The following MUC5AC variants were observed in gnomAD, a reference collection of about 807,000 sequenced individuals.
The protein encoded by MUC5AC is mucin 5AC, oligomeric mucus/gel-forming, also known as mucin-5AC.
A neutral mutation model predicts 169.7 loss-of-function variants in MUC5AC; 158 were observed. The ratio of observed to expected loss-of-function variants is 0.93; its 90% CI spans 0.82 to 1.06. The LOEUF is 1.06. Ranked by LOEUF, MUC5AC falls within the 50% of genes least tolerant of loss-of-function variation. The pLI is 0.00. For synonymous variants in MUC5AC, 1,975 were observed against 1,237.0 expected (o/e 1.60, Z -12.52); for missense variants, 4,359 against 3,089.9 (o/e 1.41, Z -9.74).
Position 1,199,431 on chromosome 11 carries a change from C to G in MUC5AC, c.16456C>G (p.Gln5486Glu). The G allele has an allele frequency of 1.4e-6, 1 of 732,452 alleles. No individual in the cohort carries two copies. The highest frequency in any genetic ancestry group is 2.6e-5 in the East Asian group (1 of 39,154). The allele number at this position is 732,452 out of a possible 1,614,324, so 45.4% of individuals were successfully genotyped here. The change falls in exon 46 of 49, where the codon CAG becomes GAG. Residue 5486 changes from glutamine (Q) to glutamate (E), a missense_variant. Coordinates refer to ENST00000621226, the MANE Select transcript of MUC5AC (RefSeq NM_001304359.2). ...HCVTHQCEKH[Q>E]DGLVVVTTKK... ...TGTGACCCACCAGTGTGAGAAGCAC[C>G]AGGATGGGCTCGTGGTGGTCACCAC... is the stretch of plus-strand genomic sequence containing the variant.
At position 1,198,321 on chromosome 11, in the gene MUC5AC, C is replaced by G; in HGVS notation, c.16173+16C>G. ...CCTGTACCAGGTAAGAGCCACGGAGCTCAGACCCCCTCAGCCATAGGGACG... is the reference window on the plus strand; with the variant it reads ...CCTGTACCAGGTAAGAGCCACGGAGGTCAGACCCCCTCAGCCATAGGGACG... On this transcript the variant is annotated intron_variant, in intron 43 of 48. Coordinates refer to ENST00000621226, the MANE Select transcript of MUC5AC (RefSeq NM_001304359.2). 1 of 740,474 alleles carries G rather than the reference C, an allele frequency of 1.4e-6. No homozygotes were observed. The highest frequency in any genetic ancestry group is 2.5e-6 in the Non-Finnish European group (1 of 406,018). 45.9% of individuals were successfully genotyped at this position (740,474 alleles called of 1,614,324 possible).
intron 26 of MUC5AC, among the ~76,000 whole-genome samples, chr11:1,179,799 C>T (rs1042123679): frequency 3.3e-5 from 5 of 152,170 alleles, no homozygotes; most frequent in Non-Finnish European, 5.9e-5. Flanking sequence ...TTGCCGGGAA[C>T]GGGCACTGCT....
intron 43 of MUC5AC, 96 bp downstream of exon 43, chr11:1,198,401 G>T: frequency 2.9e-6 from 2 of 693,058 alleles, no homozygotes; most frequent in South Asian, 3.0e-5. Context: ...TGCCAACTCC[G>T]GCCGAGGCCA....
At chr11:1,162,831 G>T in intron 5 of MUC5AC, 124 bp from the exon 6 acceptor site, 1 of 1,066,840 alleles carries the variant, frequency 9.4e-7, no homozygotes, top group East Asian at 2.4e-5. Context: ...CCCCCAGGAT[G>T]GAGACTGCTT....
chr11:1,186,518 T>G lies in MUC5AC; in HGVS notation c.8373T>G (p.Ser2791=). ...ISAPTTSTTL[S]PTTSTTSTTI... ...CCCCTACAACCAGCACAACTTTGTC[T>G]CCTACAACCAGCACAACCTCTACTA... The change falls in exon 31 of 49, where the codon TCT becomes TCG. Residue 2791 remains serine (S), a synonymous_variant. Coordinates refer to ENST00000621226, the MANE Select transcript of MUC5AC (RefSeq NM_001304359.2). The G allele has an allele frequency of 1.4e-6, 1 of 689,784 alleles. No individual in the cohort carries two copies. Among genetic ancestry groups the G allele is most frequent in the Non-Finnish European group, 2.6e-6 (1 of 378,900 alleles). The allele number at this position is 689,784 out of a possible 1,614,324, so 42.7% of individuals were successfully genotyped here. A position where few individuals can be genotyped will look rare whatever the true frequency, so the allele number is the denominator to read the frequency against.
At chr11:1,168,589 C>G in intron 13 of MUC5AC, 37 bp downstream of exon 13, 1 of 1,612,494 alleles carries the variant, frequency 6.2e-7, no homozygotes, top group Non-Finnish European at 8.5e-7. Context: ...CCGGGGCTGC[C>G]TGGGGTCCCG....
rs1474479063 is a variant in MUC5AC at position 1,161,703 on chromosome 11, G to A, written c.211+117G>A. On this transcript the variant is annotated intron_variant, in intron 3 of 48. Coordinates refer to ENST00000621226, the MANE Select transcript of MUC5AC (RefSeq NM_001304359.2). ...CAGCTTTCCGGGTGAACACTGGGTG[G>A]GTATTGGAGCCAGAGGGCCCAGCAT... The A allele has an allele frequency of 1.1e-5, 15 of 1,311,778 alleles. No individual in the cohort carries two copies. In the East Asian group the frequency reaches 3.5e-4, roughly 30 times the overall value. The allele number at this position is 1,311,778 out of a possible 1,614,324, so 81.3% of individuals were successfully genotyped here.
chr11:1,189,977 C>T lies in MUC5AC; in HGVS notation c.11832C>T (p.Thr3944=), dbSNP rs1294579187. Residue 3944 remains threonine (T), a synonymous_variant, in exon 31 of 49, where the codon ACC becomes ACT. Coordinates refer to ENST00000621226, the MANE Select transcript of MUC5AC (RefSeq NM_001304359.2). ...STSHVSVSKT[T]HSQPVTRDCH... ...GCCATGTTTCTGTATCCAAGACAAC[C>T]CACTCCCAACCAGTCACCAGAGACT... 2.9e-5 allele frequency: 22 copies of T among 765,142 alleles called. No homozygotes were observed. The highest frequency in any genetic ancestry group is 4.1e-5 in the Non-Finnish European group (17 of 417,884). The allele number at this position is 765,142 out of a possible 1,614,324, so 47.4% of individuals were successfully genotyped here. A position where few individuals can be genotyped will look rare whatever the true frequency, so the allele number is the denominator to read the frequency against.
intron 31 of MUC5AC, 71 bp from the exon 32 acceptor site, chr11:1,192,712 G>A: frequency 1.4e-6 from 1 of 696,504 alleles, no homozygotes. Context: ...TGCCCCTCTG[G>A]CTCTGGGAGT....
At chr11:1,195,449 G>A (rs1481862399) in intron 36 of MUC5AC, among the ~76,000 whole-genome samples, 170 bp downstream of exon 36, 1 of 151,376 alleles carries the variant, frequency 6.6e-6, no homozygotes, top group Non-Finnish European at 1.5e-5. Context: ...GGGTGCCGGG[G>A]AGGGGTGGGC....
chr11:1,195,531 C>T (rs376968325), intron 36 of MUC5AC, among the ~76,000 whole-genome samples: 4 of 151,494 alleles, frequency 2.6e-5, no homozygotes, highest in African/African-American at 7.3e-5. Context: ...CAGGGTTGGC[C>T]GGCTGGGCCG....
chr11:1,198,156 C>T, intron 42 of MUC5AC, 112 bp from the exon 43 acceptor site: 1 of 696,134 alleles, frequency 1.4e-6, no homozygotes, highest in Non-Finnish European at 2.6e-6. Flanking sequence ...CTGGACAAAC[C>T]CCAGTGGCGA....
rs765947347 is a variant in MUC5AC at position 1,194,375 on chromosome 11, G to A, written c.15006+15G>A. The A allele has an allele frequency of 9.8e-6, 7 of 714,146 alleles. No individual in the cohort carries two copies. The highest frequency in any genetic ancestry group is 5.8e-5 in the South Asian group (4 of 69,080). 44.2% of individuals were successfully genotyped at this position (714,146 alleles called of 1,614,324 possible). A position where few individuals can be genotyped will look rare whatever the true frequency, so the allele number is the denominator to read the frequency against. On this transcript the variant is annotated intron_variant, in intron 34 of 48. Transcript: ENST00000621226. ...TGACAAACGAGGTGGGGGCGCGCCC[G>A]GTGTGCCGCGGAGGGGGTGGGGGAC...
At position 1,198,951 on chromosome 11, in the gene MUC5AC, T is replaced by G. The variant is rs755392515; in HGVS notation, c.16251T>G (p.Phe5417Leu). The G allele has an allele frequency of 1.3e-6, 1 of 763,838 alleles. No homozygotes were observed. The highest frequency in any genetic ancestry group is 1.3e-5 in the South Asian group (1 of 74,354). The allele number at this position is 763,838 out of a possible 1,614,324, so 47.3% of individuals were successfully genotyped here. A position where few individuals can be genotyped will look rare whatever the true frequency, so the allele number is the denominator to read the frequency against. The stretch of plus-strand genomic sequence containing the variant: ...CGGGTGGCCCCCCATCGGACGCGTT[T>G]GTGGTCAGCTGTGAGACCCAGATCT... ...ELPGGPPSDA[F>L]VVSCETQICN... The change falls in exon 44 of 49, where the codon TTT becomes TTG. Residue 5417 changes from phenylalanine (F) to leucine (L), a missense_variant. Transcript: ENST00000621226.
rs1309061116 is a variant in MUC5AC, at chr11:1,178,627, G to A, written c.3271G>A (p.Ala1091Thr). The change falls in exon 25 of 49, where the codon GCC becomes ACC. Residue 1091 changes from alanine to threonine, a missense_variant. Ala to Thr is a moderately conservative substitution (Grantham distance 58). Transcript: ENST00000621226. ...GGCCAACCCCTTCCGCAAGTCCTGG[G>A]CCCAGAAGCAGTGCAGCATCCTCCA... is the stretch of plus-strand genomic sequence containing the variant. ...CTANPFRKSW[A>T]QKQCSILHGP... 4 of 1,401,066 alleles carry A rather than the reference G, an allele frequency of 2.9e-6. No individual in the cohort carries two copies. The highest frequency in any genetic ancestry group is 3.7e-6 in the Non-Finnish European group (4 of 1,067,768). 86.8% of individuals were successfully genotyped at this position (1,401,066 alleles called of 1,614,324 possible). A position where few individuals can be genotyped will look rare whatever the true frequency, so the allele number is the denominator to read the frequency against.
In MUC5AC at chr11:1,191,494, C is replaced by T; in HGVS notation, c.13349C>T (p.Thr4450Ile). The change falls in exon 31 of 49, where the codon ACC becomes ATC. Residue 4450 changes from threonine (T) to isoleucine (I), a missense_variant. Coordinates refer to ENST00000621226, the MANE Select transcript of MUC5AC (RefSeq NM_001304359.2). ...AGCCCTGTTCCCACCACAAGCACAA[C>T]CTCTGCTTCTACAACCAGCACAATC... ...TPSPVPTTST[T>I]SASTTSTISL... 2 of 646,132 alleles carry T rather than the reference C, an allele frequency of 3.1e-6. No individual in the cohort carries two copies. The highest frequency in any genetic ancestry group is 1.7e-5 in the South Asian group (1 of 57,518). 40.0% of individuals were successfully genotyped at this position (646,132 alleles called of 1,614,324 possible). A position where few individuals can be genotyped will look rare whatever the true frequency, so the allele number is the denominator to read the frequency against.
chr11:1,178,040 T>C (rs1860728313), intron 24 of MUC5AC, among the ~76,000 whole-genome samples: 1 of 152,242 alleles, frequency 6.6e-6, no homozygotes, highest in Non-Finnish European at 1.5e-5. Context: ...TCCCTGTGAC[T>C]GGGTCTAAGT....
intron 15 of MUC5AC, among the ~76,000 whole-genome samples, chr11:1,170,013 C>T (rs1359160953): frequency 3.5e-5 from 5 of 143,724 alleles, no homozygotes; most frequent in Non-Finnish European, 1.5e-5. Flanking sequence ...CACCCACTCA[C>T]TCACCCACTC....
chr11:1,190,742 C>T lies in MUC5AC; in HGVS notation c.12597C>T (p.Ser4199=). ...PTTSTISSPT[S]STTSTPQTSK... Reference sequence around the variant, plus strand: ...CCAGCACAATCTCTTCCCCTACAAGCAGCACAACCTCCACTCCACAGACCA... The same window carrying T: ...CCAGCACAATCTCTTCCCCTACAAGTAGCACAACCTCCACTCCACAGACCA... The change falls in exon 31 of 49, where the codon AGC becomes AGT. Residue 4199 remains serine (S), a synonymous_variant. Transcript: ENST00000621226. 1 of 703,084 alleles carries T rather than the reference C, an allele frequency of 1.4e-6. No individual in the cohort carries two copies. Among genetic ancestry groups the T allele is most frequent in the Non-Finnish European group, 2.6e-6 (1 of 385,154 alleles). The allele number at this position is 703,084 out of a possible 1,614,324, so 43.6% of individuals were successfully genotyped here.
Sources: gnomAD v4.1 joint callset for allele counts (sites outside exome capture counted in the v4.1 genomes callset) on GRCh38, gnomAD v4.1.1 for gene constraint, MANE v1.5 for transcripts, NCBI Gene and HGNC (gene_info 2026-07-23, HGNC 2026-07-21) for gene names.